The following ME3 variants were observed in gnomAD, a reference collection of about 807,000 sequenced individuals.
The protein encoded by ME3 is NADP-dependent malic enzyme, mitochondrial.
ME3 carries 48 observed loss-of-function variants against 68.9 expected under a neutral mutation model. That is an observed-to-expected ratio of 0.70 (90% CI 0.55 to 0.89). The LOEUF (loss-of-function observed/expected upper bound fraction) is 0.89. Among genes scored for constraint, ME3 ranks in the 40% least tolerant of loss-of-function variants. The pLI, the probability that ME3 is intolerant of heterozygous loss-of-function variation, is 0.00. For synonymous variants in ME3, 320 were observed against 318.8 expected, an observed-to-expected ratio of 1.00 and a Z score of -0.04; for missense variants, 675 against 797.4, an observed-to-expected ratio of 0.85 and a Z score of 1.85.
chr11:86,503,536 C>T (rs1952860606), intron 5 of ME3, among the ~76,000 whole-genome samples: 1 of 152,254 alleles, frequency 6.6e-6, no homozygotes, highest in African/African-American at 2.4e-5. Context: ...TACGGCAGCC[C>T]AACCTCTCCT....
At chr11:86,616,993 C>T (rs532415278) in intron 2 of ME3, among the ~76,000 whole-genome samples, 4 of 138,034 alleles carry the variant, frequency 2.9e-5, no homozygotes, top group Admixed American at 1.6e-4. Flanking sequence ...TACATGAACT[C>T]TTGTACTACC....
intron 7 of ME3, among the ~76,000 whole-genome samples, chr11:86,480,720 C>G (rs1238533412): frequency 2.0e-5 from 3 of 152,100 alleles, no homozygotes; most frequent in Non-Finnish European, 2.9e-5. Context: ...TGCAATTATT[C>G]CCCGCATGAA....
intron 2 of ME3, among the ~76,000 whole-genome samples, chr11:86,628,855 T>C (rs568834061): frequency 2.0e-5 from 3 of 152,268 alleles, no homozygotes; most frequent in Admixed American, 2.0e-4. Flanking sequence ...GAAAAGTCTA[T>C]GAGGAAGGAG....
chr11:86,562,024 A>G (rs2139484212), intron 2 of ME3, among the ~76,000 whole-genome samples: 1 of 152,226 alleles, frequency 6.6e-6, no homozygotes, highest in East Asian at 1.9e-4. Context: ...ACAGTATCAT[A>G]CAAAATAGTT....
At chr11:86,453,532 C>G (rs1384761236) in intron 8 of ME3, among the ~76,000 whole-genome samples, 1 of 152,150 alleles carries the variant, frequency 6.6e-6, no homozygotes, top group Non-Finnish European at 1.5e-5. Flanking sequence ...TGCTTCCCCC[C>G]CACCACCCCA....
chr11:86,479,103 C>T (rs539827340), intron 7 of ME3, among the ~76,000 whole-genome samples: 1 of 152,172 alleles, frequency 6.6e-6, no homozygotes, highest in African/African-American at 2.4e-5. Context: ...GGGCAGGCAC[C>T]ATCCAGTTGG....
In ME3 at chr11:86,547,640, TAAAA is replaced by T. The variant is rs530461454; in HGVS notation, c.467+8909_467+8912del. On this transcript the variant is annotated intron_variant, in intron 4 of 14. Transcript: ENST00000543262. ...GAACTTAAAGTATAATAAAATAAAATAAAAAATAATTCAAAACCAAAAACAAAAA... is the reference window on the plus strand; with the variant it reads ...GAACTTAAAGTATAATAAAATAAAATAATAATTCAAAACCAAAAACAAAAA... Among the ~76,000 whole-genome samples the T allele has an allele frequency of 8.8e-4, 134 of 151,902 alleles. 1 individual carries two copies. The highest frequency in any genetic ancestry group is 3.1e-3 in the African/African-American group (130 of 41,412).
intron 2 of ME3, among the ~76,000 whole-genome samples, chr11:86,640,273 A>G (rs190481955): frequency 7.2e-5 from 11 of 152,326 alleles, no homozygotes; most frequent in African/African-American, 2.6e-4. Flanking sequence ...TCCACAGAAC[A>G]CGTTAGCTTC....
At chr11:86,435,388 T>C in the ME3 span, 1 of 152,186 alleles carries the variant, frequency 6.6e-6, no homozygotes, top group Admixed American at 6.5e-5. Flanking sequence ...CAATAAGGAC[T>C]AGGTGAATGG....
intron 8 of ME3, among the ~76,000 whole-genome samples, chr11:86,459,054 A>C (rs1446574510): frequency 6.6e-6 from 1 of 152,172 alleles, no homozygotes; most frequent in Non-Finnish European, 1.5e-5. Context: ...GAAGAGTGGG[A>C]TCATTTAGAG....
downstream of ME3, among the ~76,000 whole-genome samples, chr11:86,438,764 C>T (rs965694066): frequency 1.4e-4 from 21 of 151,518 alleles, no homozygotes; most frequent in African/African-American, 5.1e-4. Context: ...TTTTTTCTTT[C>T]CTTTCTCTCT....
chr11:86,643,790 G>A (rs1174560164), intron 2 of ME3, among the ~76,000 whole-genome samples: 1 of 152,158 alleles, frequency 6.6e-6, no homozygotes, highest in South Asian at 2.1e-4. Context: ...GAACACAGTA[G>A]GTTCTCAATA....
Position 86,599,098 on chromosome 11 carries a change from G to A in ME3, c.184-39275C>T, listed in dbSNP as rs181128088. On this transcript the variant is annotated intron_variant, in intron 2 of 14. Transcript: ENST00000543262. ...CACCAGCAGCGGAACAAAGCTGGAC[G>A]GAGAATGACTTTGACGAGTTGAGAG... is the stretch of plus-strand genomic sequence containing the variant. Among the ~76,000 whole-genome samples, 176 of 152,250 alleles carry A rather than the reference G, an allele frequency of 1.2e-3. 2 individuals carry two copies. Among genetic ancestry groups the A allele is most frequent in the African/African-American group, 3.8e-3 (156 of 41,536 alleles).
At chr11:86,447,011 T>C in intron 12 of ME3, 54 bp downstream of exon 12, 4 of 1,591,778 alleles carry the variant, frequency 2.5e-6, no homozygotes, top group Non-Finnish European at 3.4e-6. Flanking sequence ...AGGTTACTCA[T>C]TGTAATTGTT....
chr11:86,539,911 C>A (rs579719), intron 4 of ME3, among the ~76,000 whole-genome samples: 122,044 of 152,140 alleles, frequency 0.8, 49,202 homozygotes, highest in South Asian at 0.84. Context: ...AGCTTTAAAA[C>A]AAATCTGAAC....
chr11:86,458,683 T>C (rs1458383), intron 8 of ME3, among the ~76,000 whole-genome samples: 65,620 of 151,898 alleles, frequency 0.43, 14,468 homozygotes, highest in African/African-American at 0.49. Context: ...GGAAGTTTCA[T>C]GGCAGGGGGA....
intron 2 of ME3, among the ~76,000 whole-genome samples, chr11:86,617,336 G>A (rs1943046833): frequency 6.6e-6 from 1 of 151,688 alleles, no homozygotes; most frequent in Non-Finnish European, 1.5e-5. Flanking sequence ...TTAGTTTGAA[G>A]GTTCTTCTTT....
intron 7 of ME3, among the ~76,000 whole-genome samples, chr11:86,483,194 T>G (rs1951509732): frequency 6.6e-6 from 1 of 152,144 alleles, no homozygotes; most frequent in Non-Finnish European, 1.5e-5. Flanking sequence ...CAGAAACCTT[T>G]AGGGTAGCCG....
At chr11:86,453,904 C>T (rs1361681106) in intron 8 of ME3, among the ~76,000 whole-genome samples, 1 of 152,220 alleles carries the variant, frequency 6.6e-6, no homozygotes, top group Non-Finnish European at 1.5e-5. Context: ...TTCCCTTAGC[C>T]TCAGAAGTTG....
Sources: gnomAD v4.1 joint callset for allele counts (sites outside exome capture counted in the v4.1 genomes callset) on GRCh38, gnomAD v4.1.1 for gene constraint, MANE v1.5 for transcripts, NCBI Gene and HGNC (gene_info 2026-07-23, HGNC 2026-07-21) for gene names.